The following PTPRM variants were observed in gnomAD, a reference collection of about 807,000 sequenced individuals.
PTPRM encodes protein tyrosine phosphatase receptor type M.
Under a neutral mutation model 186.7 loss-of-function variants are expected in PTPRM, and 47 were observed. The observed-to-expected ratio is 0.25, with a 90% CI of 0.20 to 0.32. The LOEUF (loss-of-function observed/expected upper bound fraction) is 0.32. Among genes scored for constraint, PTPRM ranks in the 10% least tolerant of loss-of-function variants. The probability of loss-of-function intolerance (pLI) is 1.00; values close to 1 mark genes in which losing one functional copy is unlikely to be tolerated. For missense variants in PTPRM, 1,494 were observed against 1,865.0 expected, an observed-to-expected ratio of 0.80 and a Z score of 3.66; for synonymous variants, 668 against 674.9, an observed-to-expected ratio of 0.99 and a Z score of 0.16.
At chr18:8,042,709 C>T (rs1026984473) in intron 7 of PTPRM, among the ~76,000 whole-genome samples, 3 of 152,074 alleles carry the variant, frequency 2.0e-5, no homozygotes, top group African/African-American at 7.2e-5. Context: ...GGAGGCATCT[C>T]AGCCTAGGCT....
rs141555044 is a variant in PTPRM at position 7,927,087 on chromosome 18, C to T, written c.663+404C>T. Among the ~76,000 whole-genome samples the T allele has an allele frequency of 7.9e-5, 12 of 152,180 alleles. No homozygotes were observed. In the East Asian group the frequency reaches 2.3e-3, roughly 29 times the overall value. ...TAGGCCTTTTTGTCATTTGAATTTC[C>T]AAGCTGTAAGCTTAAACTTAGAAAT... is the stretch of plus-strand genomic sequence containing the variant. On this transcript the variant is annotated intron_variant, in intron 5 of 32. Coordinates refer to ENST00000580170, the MANE Select transcript of PTPRM (RefSeq NM_001105244.2).
intron 14 of PTPRM, among the ~76,000 whole-genome samples, chr18:8,238,932 C>A (rs1347775169): frequency 1.3e-5 from 2 of 150,778 alleles, no homozygotes; most frequent in Non-Finnish European, 3.0e-5. Context: ...GTCAGTTAGG[C>A]TCTGACAAAA....
chr18:8,046,169 A>G (rs906665558), intron 7 of PTPRM, among the ~76,000 whole-genome samples: 1 of 152,158 alleles, frequency 6.6e-6, no homozygotes, highest in Non-Finnish European at 1.5e-5. Flanking sequence ...ACCTTCTGCC[A>G]TGACTGTAAG....
chr18:8,241,580 G>C (rs935155708), intron 14 of PTPRM, among the ~76,000 whole-genome samples: 1 of 152,174 alleles, frequency 6.6e-6, no homozygotes, highest in African/African-American at 2.4e-5. Context: ...AGTTTCTCCT[G>C]AAACTTGAAA....
chr18:7,691,438 C>T (rs1485956879), intron 1 of PTPRM, among the ~76,000 whole-genome samples: 1 of 150,464 alleles, frequency 6.6e-6, no homozygotes, highest in African/African-American at 2.4e-5. Flanking sequence ...ATAGAGCTAC[C>T]GATGTTTGTG....
chr18:8,361,736 A>C (rs1185925704), intron 23 of PTPRM, among the ~76,000 whole-genome samples: 1 of 152,190 alleles, frequency 6.6e-6, no homozygotes, highest in Non-Finnish European at 1.5e-5. Context: ...AGAATGGTTC[A>C]GTGACTTGCA....
chr18:8,016,614 T>C (rs1271455532), intron 7 of PTPRM, among the ~76,000 whole-genome samples: 3 of 152,074 alleles, frequency 2.0e-5, no homozygotes, highest in African/African-American at 7.2e-5. Context: ...AAACACATTC[T>C]TTCTGGTACA....
Position 7,567,841 on chromosome 18 carries a change from T to C in PTPRM, c.23T>C (p.Leu8Pro). 1 of 1,564,000 alleles carries C rather than the reference T, an allele frequency of 6.4e-7. No individual in the cohort carries two copies. Among genetic ancestry groups the C allele is most frequent in the Non-Finnish European group, 8.6e-7 (1 of 1,158,798 alleles). ...ACCATGAGGGGACTTGGGACTTGCC[T>C]GGCGACTTTGGCCGGACTTTTGCTA... MRGLGTC[L>P]ATLAGLLLTA... Residue 8 changes from leucine (L) to proline (P), a missense_variant, in exon 1 of 33, where the codon CTG becomes CCG. Physicochemically the swap from Leu to Pro is moderately conservative, Grantham distance 98. This residue lies in a region of PTPRM where 296 missense variants were observed against 345.5 expected (regional missense o/e 0.86). Transcript: ENST00000580170. This position sits in a 1 kb window ranked among gnomAD's most constrained non-coding sequence, Gnocchi z 4.3.
intron 1 of PTPRM, among the ~76,000 whole-genome samples, chr18:7,693,325 T>C (rs1057097536): frequency 6.6e-6 from 1 of 152,180 alleles, no homozygotes; most frequent in African/African-American, 2.4e-5. Flanking sequence ...CACTGTTACA[T>C]AGGGCTCATT....
At chr18:8,014,070 T>A (rs2084705264) in intron 7 of PTPRM, among the ~76,000 whole-genome samples, 1 of 152,180 alleles carries the variant, frequency 6.6e-6, no homozygotes, top group African/African-American at 2.4e-5. Context: ...CTCTCTTTTT[T>A]AAAACAGAGG....
At chr18:8,084,032 C>T (rs938159820) in intron 9 of PTPRM, among the ~76,000 whole-genome samples, 1 of 152,074 alleles carries the variant, frequency 6.6e-6, no homozygotes, top group African/African-American at 2.4e-5. Flanking sequence ...AAGCTAGCCA[C>T]GGTGGGCAGC....
chr18:7,912,818 C>T (rs549890447), intron 4 of PTPRM, among the ~76,000 whole-genome samples: 53 of 152,270 alleles, frequency 3.5e-4, no homozygotes, highest in Non-Finnish European at 5.0e-4. Flanking sequence ...TGCGCCCAGC[C>T]AATCCCTTGT....
At chr18:8,195,732 C>T (rs897684511) in intron 14 of PTPRM, among the ~76,000 whole-genome samples, 6 of 152,164 alleles carry the variant, frequency 3.9e-5, no homozygotes, top group Admixed American at 2.0e-4. Context: ...ACATTGGAGA[C>T]TCCAGTTAGT....
chr18:7,682,036 A>G (rs969321833), intron 1 of PTPRM, among the ~76,000 whole-genome samples: 1 of 152,178 alleles, frequency 6.6e-6, no homozygotes, highest in African/African-American at 2.4e-5. Flanking sequence ...TACCTCTACA[A>G]CCCTGTGGGG....
intron 1 of PTPRM, among the ~76,000 whole-genome samples, chr18:7,674,239 T>A (rs1421362258): frequency 1.3e-5 from 2 of 152,130 alleles, no homozygotes; most frequent in Non-Finnish European, 2.9e-5. Flanking sequence ...TGGCTGGTGT[T>A]GAGATTTTTA....
At chr18:7,678,083 G>C (rs534656752) in intron 1 of PTPRM, among the ~76,000 whole-genome samples, 2 of 152,200 alleles carry the variant, frequency 1.3e-5, no homozygotes, top group South Asian at 4.1e-4. Flanking sequence ...ATGAAAGAGG[G>C]GGGAAGGAAG....
At chr18:8,013,349 G>T (rs1167256590) in intron 7 of PTPRM, among the ~76,000 whole-genome samples, 1 of 152,106 alleles carries the variant, frequency 6.6e-6, no homozygotes, top group Non-Finnish European at 1.5e-5. Context: ...ATGGCCTACT[G>T]TTGACCAGAA....
chr18:7,738,272 C>T (rs559164600), intron 1 of PTPRM, among the ~76,000 whole-genome samples: 11 of 152,268 alleles, frequency 7.2e-5, no homozygotes, highest in African/African-American at 2.2e-4. Flanking sequence ...ATCCATGCTT[C>T]GGGATTCAGT....
intron 19 of PTPRM, among the ~76,000 whole-genome samples, chr18:8,262,227 G>A (rs532152791): frequency 2.0e-5 from 3 of 152,214 alleles, no homozygotes; most frequent in Admixed American, 6.5e-5. Context: ...CTGTGCCATC[G>A]GAAGAGTCCC....
Sources: allele counts gnomAD v4.1 joint callset (sites outside exome capture counted in the v4.1 genomes callset), GRCh38; gene constraint gnomAD v4.1.1; regional missense constraint gnomAD v4.1.1; non-coding constraint Gnocchi (gnomAD v3.1); transcripts MANE v1.5; gene names NCBI Gene and HGNC (gene_info 2026-07-23, HGNC 2026-07-21).